Variants in EDIL3 observed in about 807,000 individuals in gnomAD.
EDIL3 encodes the protein EGF-like repeat and discoidin I-like domain-containing protein 3.
Under a neutral mutation model 67.4 loss-of-function variants are expected in EDIL3, and 37 were observed. That is an observed-to-expected ratio of 0.55 (90% confidence interval 0.42 to 0.72). EDIL3 has a LOEUF of 0.72. EDIL3 is among the 30% of genes least tolerant of loss of function. EDIL3 has a pLI of 0.00. For missense variants in EDIL3, 527 were observed against 586.3 expected (o/e 0.90, Z 1.04); for synonymous variants, 195 against 196.3 (o/e 0.99, Z 0.05).
chr5:84,371,819 GT>G (rs1419357476), intron 1 of EDIL3, among the ~76,000 whole-genome samples: 2 of 151,886 alleles, frequency 1.3e-5, no homozygotes, highest in African/African-American at 4.8e-5. Flanking sequence ...ATTTGAAAAT[GT>G]GTGGCCTGAC....
At chr5:84,020,089 A>AC (rs912661709) in intron 9 of EDIL3, among the ~76,000 whole-genome samples, 5 of 151,582 alleles carry the variant, frequency 3.3e-5, no homozygotes, top group African/African-American at 1.2e-4. Context: ...AAAAAAAAAA[A>AC]AACGCAACAA....
At chr5:83,955,523 G>C (rs1173345877) in intron 10 of EDIL3, among the ~76,000 whole-genome samples, 1 of 151,520 alleles carries the variant, frequency 6.6e-6, no homozygotes, top group Non-Finnish European at 1.5e-5. Flanking sequence ...AAGATAATTA[G>C]CAAGAAAAAA....
intron 10 of EDIL3, among the ~76,000 whole-genome samples, chr5:83,951,258 T>C (rs537280462): frequency 1.3e-5 from 2 of 151,940 alleles, no homozygotes; most frequent in East Asian, 3.9e-4. Context: ...ATTCCCATTG[T>C]TGCTCTCAAG....
chr5:84,298,558 A>C (rs1746094581), intron 1 of EDIL3, among the ~76,000 whole-genome samples: 1 of 152,126 alleles, frequency 6.6e-6, no homozygotes, highest in Non-Finnish European at 1.5e-5. Context: ...GGTGCAGTAA[A>C]CCACCATGGC....
chr5:84,370,621 T>G (rs772152873), intron 1 of EDIL3, among the ~76,000 whole-genome samples: 6 of 152,196 alleles, frequency 3.9e-5, no homozygotes, highest in Non-Finnish European at 8.8e-5. Context: ...CCATATAGTA[T>G]TAAAAGTATT....
chr5:84,033,662 C>T (rs1328809861), intron 9 of EDIL3, among the ~76,000 whole-genome samples: 2 of 144,318 alleles, frequency 1.4e-5, no homozygotes, highest in African/African-American at 5.2e-5. Context: ...CAAGATCCTG[C>T]CATTGTACTC....
chr5:84,318,087 G>C (rs1308799676), intron 1 of EDIL3, among the ~76,000 whole-genome samples: 1 of 152,002 alleles, frequency 6.6e-6, no homozygotes, highest in East Asian at 1.9e-4. Flanking sequence ...AAATACCTAG[G>C]AATACAACTT....
At chr5:84,035,701 C>A (rs1034283296) in intron 9 of EDIL3, among the ~76,000 whole-genome samples, 6 of 152,216 alleles carry the variant, frequency 3.9e-5, no homozygotes, top group Admixed American at 3.3e-4. Context: ...CACATAAGTT[C>A]TTTCTGGAAC....
At chr5:84,356,629 T>C (rs1229609925) in intron 1 of EDIL3, among the ~76,000 whole-genome samples, 1 of 152,184 alleles carries the variant, frequency 6.6e-6, no homozygotes. Flanking sequence ...CATTTCAAGA[T>C]TTGTAGCGTA....
chr5:84,097,637 G>A (rs1250956364), intron 6 of EDIL3, among the ~76,000 whole-genome samples: 1 of 152,084 alleles, frequency 6.6e-6, no homozygotes, highest in Non-Finnish European at 1.5e-5. Context: ...GTAGTGGATA[G>A]AGTGTAGAGT....
At chr5:84,023,413 ATTTAAC>A (rs1480041754) in intron 9 of EDIL3, among the ~76,000 whole-genome samples, 5 of 152,042 alleles carry the variant, frequency 3.3e-5, no homozygotes, top group Non-Finnish European at 7.4e-5. Flanking sequence ...CTTTAAATTA[ATTTAAC>A]TTTATATATT....
intron 1 of EDIL3, among the ~76,000 whole-genome samples, chr5:84,313,660 G>A (rs554934606): frequency 2.0e-5 from 3 of 152,290 alleles, no homozygotes; most frequent in Admixed American, 6.5e-5. Flanking sequence ...ATTTCAGTGG[G>A]CTTCAATTAC....
intron 1 of EDIL3, among the ~76,000 whole-genome samples, chr5:84,254,734 T>G (rs1206172810): frequency 6.6e-6 from 1 of 152,130 alleles, no homozygotes; most frequent in Non-Finnish European, 1.5e-5. Context: ...TCTCTTGGAG[T>G]GCTGAGATCG....
intron 3 of EDIL3, among the ~76,000 whole-genome samples, chr5:84,204,805 A>T (rs7701863): frequency 0.052 from 1,427 of 27,344 alleles, 30 homozygotes; most frequent in African/African-American, 0.21. Flanking sequence ...GCCAATATTT[A>T]AAAAAAAAAA....
intron 9 of EDIL3, among the ~76,000 whole-genome samples, chr5:84,022,349 T>C (rs1745733085): frequency 6.6e-6 from 1 of 152,064 alleles, no homozygotes; most frequent in African/African-American, 2.4e-5. Flanking sequence ...AGAGAAAGTA[T>C]TTGATAAAAT....
intron 9 of EDIL3, among the ~76,000 whole-genome samples, chr5:84,016,211 G>T (rs1216221208): frequency 6.6e-6 from 1 of 152,040 alleles, no homozygotes; most frequent in Non-Finnish European, 1.5e-5. Context: ...TTATTATATT[G>T]TGTGTTACAG....
intron 9 of EDIL3, among the ~76,000 whole-genome samples, chr5:83,995,157 T>TACACACAC (rs370763993): frequency 0.039 from 5,801 of 149,080 alleles, 206 homozygotes; most frequent in African/African-American, 0.089. Flanking sequence ...CACACACACA[T>TACACACAC]ACACACACAC....
At chr5:84,022,453 T>C (rs1406316899) in intron 9 of EDIL3, among the ~76,000 whole-genome samples, 1 of 151,958 alleles carries the variant, frequency 6.6e-6, no homozygotes, top group Non-Finnish European at 1.5e-5. Context: ...AAGCCACAGC[T>C]ACACAAATTT....
chr5:84,057,226 T>G (rs1746463548), intron 9 of EDIL3, among the ~76,000 whole-genome samples: 1 of 152,144 alleles, frequency 6.6e-6, no homozygotes. Context: ...TTTAAGAAGA[T>G]AGTTGAAAAA....
Sources: gnomAD v4.1 joint callset for allele counts (sites outside exome capture counted in the v4.1 genomes callset) on GRCh38, gnomAD v4.1.1 for gene constraint, MANE v1.5 for transcripts, NCBI Gene and HGNC (gene_info 2026-07-23, HGNC 2026-07-21) for gene names.